Variants in GALNT10 observed in about 807,000 individuals in gnomAD.
The protein encoded by GALNT10 is GalNAc transferase 10.
A neutral mutation model predicts 75.0 loss-of-function variants in GALNT10; 41 were observed. That is an observed-to-expected ratio of 0.55 (90% CI 0.43 to 0.71). The LOEUF is 0.71. Among genes scored for constraint, GALNT10 ranks in the 30% least tolerant of loss-of-function variants. The pLI is 0.00. For missense variants in GALNT10, 727 were observed against 818.5 expected (o/e 0.89, Z 1.36); for synonymous variants, 302 against 313.0 (o/e 0.96, Z 0.37).
chr5:154,388,747 AT>A (rs1297748098), intron 7 of GALNT10: 5 of 149,906 alleles, frequency 3.3e-5, no homozygotes, highest in African/African-American at 1.2e-4. Flanking sequence ...ATATTCTGCA[AT>A]TTCTTAGTTA....
In GALNT10 at chr5:154,416,728, ACTTTC is replaced by A; in HGVS notation, c.1654-85_1654-81del. Reference sequence around the variant, plus strand: ...CAGCTAGTCAGTCAGTCACTTCCTCACTTTCTCATTGCTGGTATTGTTGCTGTGGT... The same window carrying A: ...CAGCTAGTCAGTCAGTCACTTCCTCATCATTGCTGGTATTGTTGCTGTGGT... On this transcript the variant is annotated intron_variant, in intron 11 of 11. Coordinates refer to ENST00000297107, the MANE Select transcript of GALNT10 (RefSeq NM_198321.4). This position sits in a 1 kb window ranked among gnomAD's most constrained non-coding sequence, Gnocchi z 4.5. The A allele has an allele frequency of 1.0e-6, 1 of 963,476 alleles. No individual in the cohort carries two copies. The highest frequency in any genetic ancestry group is 1.4e-5 in the South Asian group (1 of 70,906). 59.7% of individuals were successfully genotyped at this position (963,476 alleles called of 1,614,324 possible).
chr5:154,238,651 C>T (rs551897723), intron 1 of GALNT10, among the ~76,000 whole-genome samples: 20 of 152,122 alleles, frequency 1.3e-4, no homozygotes, highest in South Asian at 4.1e-4. Context: ...GCTCTCTGGA[C>T]GCAGAGCTGC....
intron 3 of GALNT10, among the ~76,000 whole-genome samples, chr5:154,325,011 C>T (rs1405165056): frequency 1.3e-5 from 2 of 152,098 alleles, no homozygotes. Flanking sequence ...AGCCAGAAAT[C>T]ATTGGATTAC....
chr5:154,235,730 A>C (rs1204575376), intron 1 of GALNT10, among the ~76,000 whole-genome samples: 1 of 152,174 alleles, frequency 6.6e-6, no homozygotes, highest in African/African-American at 2.4e-5. Flanking sequence ...GTTAGTACTC[A>C]ACTTGAAAAA....
rs138978844 is a variant in GALNT10 at position 154,395,742 on chromosome 5, A to G, written c.1057-8362A>G. 3.9e-5 allele frequency among the ~76,000 whole-genome samples: 6 copies of G among 152,308 alleles called. No homozygotes were observed. In the East Asian group the frequency reaches 1.2e-3, roughly 29 times the overall value. On this transcript the variant is annotated intron_variant, in intron 7 of 11. Coordinates refer to ENST00000297107, the MANE Select transcript of GALNT10 (RefSeq NM_198321.4). ...CAAATTCACAGGGCTGTTAGGAAAT[A>G]TAGTGTGAACTGGCAGGCACAGTCA... is the stretch of plus-strand genomic sequence containing the variant.
chr5:154,410,369 TGTCTCTACAAAAAAAAAAAAAAAAAA>T (rs1366702179), intron 9 of GALNT10, among the ~76,000 whole-genome samples: 1 of 135,436 alleles, frequency 7.4e-6, no homozygotes, highest in African/African-American at 2.9e-5. Flanking sequence ...AGGAAGACCC[TGTCTCTACAAAAAAAAAAAAAAAAAA>T]GAAAAAATTA....
intron 1 of GALNT10, among the ~76,000 whole-genome samples, chr5:154,212,174 A>T (rs1752767438): frequency 6.6e-6 from 1 of 152,296 alleles, no homozygotes; most frequent in African/African-American, 2.4e-5. Flanking sequence ...GTCCCATGAG[A>T]GATGGCTTGA....
intron 1 of GALNT10, among the ~76,000 whole-genome samples, chr5:154,191,232 C>G (rs929221625): frequency 1.3e-5 from 2 of 152,178 alleles, no homozygotes; most frequent in Non-Finnish European, 2.9e-5. Context: ...TCCGAACTAG[C>G]ACTCAGGACG....
chr5:154,399,074 T>C (rs1237371941), intron 7 of GALNT10, among the ~76,000 whole-genome samples: 1 of 152,124 alleles, frequency 6.6e-6, no homozygotes, highest in Non-Finnish European at 1.5e-5. Context: ...CACATCACAG[T>C]TGAGGAGAGT....
intron 3 of GALNT10, among the ~76,000 whole-genome samples, chr5:154,304,620 A>G (rs1754404871): frequency 6.6e-6 from 1 of 152,186 alleles, no homozygotes; most frequent in South Asian, 2.1e-4. Context: ...TATTTACAAA[A>G]TATGAAGATC....
At chr5:154,282,664 G>A (rs145532270) in intron 1 of GALNT10, among the ~76,000 whole-genome samples, 61 of 152,272 alleles carry the variant, frequency 4.0e-4, no homozygotes, top group African/African-American at 1.4e-3. Context: ...TCTCTTTTGA[G>A]CTTTGTAGCC....
intron 1 of GALNT10, among the ~76,000 whole-genome samples, chr5:154,247,354 T>C (rs957613932): frequency 6.6e-6 from 1 of 152,222 alleles, no homozygotes; most frequent in Non-Finnish European, 1.5e-5. Flanking sequence ...AAGAAAGTCA[T>C]TGGTAGCTTG....
chr5:154,254,480 A>G (rs1455414262), intron 1 of GALNT10, among the ~76,000 whole-genome samples: 1 of 150,338 alleles, frequency 6.7e-6, no homozygotes, highest in Non-Finnish European at 1.5e-5. Flanking sequence ...CAGAATTCCC[A>G]CAGAGGTGTT....
chr5:154,367,408 C>T (rs543475362), intron 4 of GALNT10, among the ~76,000 whole-genome samples: 84 of 152,142 alleles, frequency 5.5e-4, no homozygotes, highest in African/African-American at 1.9e-3. Flanking sequence ...GGTGAGAGGA[C>T]GGAAACAGAG....
chr5:154,219,838 T>TCTCTCACACACACA (rs1491445463), intron 1 of GALNT10, among the ~76,000 whole-genome samples: 1 of 125,556 alleles, frequency 8.0e-6, no homozygotes, highest in African/African-American at 2.9e-5. Context: ...TCTCTCTCTC[T>TCTCTCACACACACA]CACACACACA....
chr5:154,376,256 C>G lies in GALNT10; in HGVS notation c.569-21C>G. 3 of 1,534,178 alleles carry G rather than the reference C, an allele frequency of 2.0e-6. No individual in the cohort carries two copies. Among genetic ancestry groups the G allele is most frequent in the Non-Finnish European group, 1.8e-6 (2 of 1,112,276 alleles). ...CTACTAAGCAACTGTTCTCACTCTTCTGTCCTCTTCTGTCTCATAGAGCAC... is the reference window on the plus strand; with the variant it reads ...CTACTAAGCAACTGTTCTCACTCTTGTGTCCTCTTCTGTCTCATAGAGCAC... On this transcript the variant is annotated intron_variant, in intron 4 of 11. Transcript: ENST00000297107. The surrounding 1 kb of genome is among the most constrained non-coding windows in gnomAD (Gnocchi z 4.1).
chr5:154,299,581 A>C (rs1754331174), intron 3 of GALNT10, among the ~76,000 whole-genome samples: 1 of 152,258 alleles, frequency 6.6e-6, no homozygotes, highest in Non-Finnish European at 1.5e-5. Flanking sequence ...TAAAGACTTC[A>C]TCTTGGTAAC....
Position 154,418,605 on chromosome 5 carries a change from C to G in GALNT10, c.*1633C>G, listed in dbSNP as rs1756562009. 6.6e-6 allele frequency: 1 copy of G among 152,170 alleles called. No homozygotes were observed. The highest frequency in any genetic ancestry group is 1.5e-5 in the Non-Finnish European group (1 of 68,038). 9.4% of individuals were successfully genotyped at this position (152,170 alleles called of 1,614,324 possible). ...TGAGACCTAAGTCTGGGAACAGAGC[C>G]ACGAATCTGCCTTTGAGATGCTGGC... On this transcript the variant is annotated 3_prime_UTR_variant, in exon 12 of 12. Transcript: ENST00000297107.
At chr5:154,242,577 G>A (rs1753354629) in intron 1 of GALNT10, among the ~76,000 whole-genome samples, 1 of 152,204 alleles carries the variant, frequency 6.6e-6, no homozygotes, top group South Asian at 2.1e-4. Flanking sequence ...GAGGGTCCCA[G>A]TGGCCAGGCA....
Sources: gnomAD v4.1 joint callset for allele counts (sites outside exome capture counted in the v4.1 genomes callset) on GRCh38, gnomAD v4.1.1 for gene constraint, Gnocchi (gnomAD v3.1) non-coding constraint, MANE v1.5 for transcripts, NCBI Gene and HGNC (gene_info 2026-07-23, HGNC 2026-07-21) for gene names.